The following SLC25A43 variants were observed in gnomAD, a reference collection of about 807,000 sequenced individuals.
SLC25A43 encodes the protein solute carrier family 25 member 43.
Under a neutral mutation model 22.8 loss-of-function variants are expected in SLC25A43, and 10 were observed. That is an observed-to-expected ratio of 0.44 (90% CI 0.27 to 0.74). The LOEUF (loss-of-function observed/expected upper bound fraction) is 0.74, where lower values mean the gene tolerates loss of function less well. Among genes scored for constraint, SLC25A43 ranks in the 30% least tolerant of loss-of-function variants. The pLI, the probability that SLC25A43 is intolerant of heterozygous loss-of-function variation, is 0.17. For missense variants in SLC25A43, 233 were observed against 279.1 expected, an observed-to-expected ratio of 0.83 and a Z score of 1.18; for synonymous variants, 106 against 121.6, an observed-to-expected ratio of 0.87 and a Z score of 0.84.
chrX:119,401,469 C>T (rs1307047454), intron 1 of SLC25A43, among the ~76,000 whole-genome samples: 2 of 110,617 alleles, frequency 1.8e-5, no homozygotes, highest in Non-Finnish European at 3.8e-5. Flanking sequence ...TTCTGATGAG[C>T]GATGAGGAGG....
At chrX:119,441,741 T>C (rs2052624528) in intron 3 of SLC25A43, among the ~76,000 whole-genome samples, 1 of 111,456 alleles carries the variant, frequency 9.0e-6, no homozygotes. Context: ...CTAAGTGTGA[T>C]GTAAAGTCAT....
intron 3 of SLC25A43, among the ~76,000 whole-genome samples, chrX:119,434,988 G>A (rs761637405): frequency 6.4e-5 from 7 of 109,695 alleles, no homozygotes; most frequent in South Asian, 4.0e-4. Context: ...ACAGGCATGC[G>A]CCACCACGCC....
chrX:119,406,829 T>A, intron 2 of SLC25A43, 128 bp downstream of exon 2: 2 of 779,915 alleles, frequency 2.6e-6, no homozygotes, highest in South Asian at 3.0e-5. Flanking sequence ...TCAACCTACA[T>A]AGAGGCAATT....
intron 2 of SLC25A43, among the ~76,000 whole-genome samples, chrX:119,407,597 A>C (rs2052309817): frequency 9.0e-6 from 1 of 111,028 alleles, no homozygotes; most frequent in African/African-American, 3.3e-5. Context: ...CATAGATAGA[A>C]AGCAGGAGAA....
At chrX:119,430,694 T>C (rs1161251923) in intron 3 of SLC25A43, among the ~76,000 whole-genome samples, 2 of 112,358 alleles carry the variant, frequency 1.8e-5, no homozygotes, top group African/African-American at 6.5e-5. Flanking sequence ...AATTGCAATC[T>C]CTAGGGGTGG....
intron 3 of SLC25A43, among the ~76,000 whole-genome samples, chrX:119,446,592 G>A (rs1943702710): frequency 1.8e-5 from 2 of 112,673 alleles, no homozygotes; most frequent in Admixed American, 9.4e-5. Flanking sequence ...GTCTTGTGAA[G>A]AGAGAAATGA....
intron 1 of SLC25A43, among the ~76,000 whole-genome samples, chrX:119,400,301 G>A (rs1248036798): frequency 9.0e-6 from 1 of 110,891 alleles, no homozygotes; most frequent in African/African-American, 3.3e-5. Flanking sequence ...CACCCCACTG[G>A]CCTCATTTAT....
chrX:119,451,511 G>A (rs775874335), intron 3 of SLC25A43, among the ~76,000 whole-genome samples: 2 of 111,816 alleles, frequency 1.8e-5, no homozygotes, highest in Non-Finnish European at 3.8e-5. Flanking sequence ...CTTCTGTCGT[G>A]AGAGTGAAGG....
intron 1 of SLC25A43, among the ~76,000 whole-genome samples, chrX:119,406,088 G>T (rs985388896): frequency 9.0e-6 from 1 of 110,960 alleles, no homozygotes; most frequent in Non-Finnish European, 1.9e-5. Flanking sequence ...AAGAAATTTT[G>T]TTCCTTTTTA....
intron 2 of SLC25A43, 45 bp from the exon 3 acceptor site, chrX:119,410,145 G>T: frequency 8.4e-7 from 1 of 1,187,924 alleles, no homozygotes; most frequent in Non-Finnish European, 1.1e-6. Flanking sequence ...TCAAGCCAGT[G>T]TTTTCCCAAG....
At chrX:119,435,171 C>T (rs1245135956) in intron 3 of SLC25A43, among the ~76,000 whole-genome samples, 1 of 110,515 alleles carries the variant, frequency 9.0e-6, no homozygotes, top group Non-Finnish European at 1.9e-5. Context: ...AGAAAAAAAT[C>T]GGTGGGCAGA....
At chrX:119,421,946 C>T (rs552712527) in intron 3 of SLC25A43, among the ~76,000 whole-genome samples, 1,415 of 111,718 alleles carry the variant, frequency 0.013, 11 homozygotes, top group Non-Finnish European at 0.021. Context: ...ACAAGAGTCT[C>T]GCTCTGTCAC....
In SLC25A43 at chrX:119,420,141, G is replaced by C. The variant is rs2052439574; in HGVS notation, c.690+9779G>C. 2.7e-5 allele frequency among the ~76,000 whole-genome samples: 3 copies of C among 111,513 alleles called. No individual in the cohort carries two copies. The Middle Eastern group carries it at 0.014, about 519-fold the overall frequency. The stretch of plus-strand genomic sequence containing the variant: ...AACTGAGGCACCGAAAGGTTTTGTA[G>C]CCTGCAAGTTCACCCATCCAGTAAT... On this transcript the variant is annotated intron_variant, in intron 3 of 4. Transcript: ENST00000217909.
chrX:119,421,140 A>G (rs939590215), intron 3 of SLC25A43, among the ~76,000 whole-genome samples: 11 of 98,804 alleles, frequency 1.1e-4, no homozygotes, highest in Non-Finnish European at 1.8e-4. Flanking sequence ...AAAAAAAAAA[A>G]GCCTTCAAAT....
intron 1 of SLC25A43, among the ~76,000 whole-genome samples, chrX:119,404,314 T>G (rs1439451308): frequency 8.9e-6 from 1 of 112,006 alleles, no homozygotes; most frequent in Non-Finnish European, 1.9e-5. Context: ...CCTCCAGAAC[T>G]TCTGACCAAC....
chrX:119,406,420 A>G (rs986906068), intron 1 of SLC25A43, 40 bp from the exon 2 acceptor site: 1 of 1,202,425 alleles, frequency 8.3e-7, no homozygotes, highest in Non-Finnish European at 1.1e-6. Flanking sequence ...AGCACAATCC[A>G]TAGTTGATTT....
chrX:119,399,458 G>T lies in SLC25A43; in HGVS notation c.55G>T (p.Ala19Ser), dbSNP rs1189361270. 2 of 1,049,980 alleles carry T rather than the reference G, an allele frequency of 1.9e-6. No individual in the cohort carries two copies. The highest frequency in any genetic ancestry group is 2.6e-5 in the South Asian group (1 of 39,057). The allele number at this position is 1,049,980 out of a possible 1,213,427, so 86.5% of individuals were successfully genotyped here. ...RLTGGQRLLC[A>S]GLAGTLSLSL... ...GACAGGCGGCCAAAGGCTGCTGTGCGCTGGGCTGGCGGGGACGCTCAGCCT... is the reference window on the plus strand; with the variant it reads ...GACAGGCGGCCAAAGGCTGCTGTGCTCTGGGCTGGCGGGGACGCTCAGCCT... Residue 19 changes from alanine (A) to serine (S), a missense_variant, in exon 1 of 5, where the codon GCT (alanine) becomes TCT (serine). Physicochemically the swap from Ala to Ser is moderately conservative, Grantham distance 99. Transcript: ENST00000217909.
intron 4 of SLC25A43, 87 bp downstream of exon 4, chrX:119,452,230 T>G: frequency 1.9e-6 from 2 of 1,070,518 alleles, no homozygotes; most frequent in Non-Finnish European, 2.5e-6. Context: ...TACTACAGTT[T>G]GCTTGGAAAA....
At chrX:119,420,376 T>C (rs934410525) in intron 3 of SLC25A43, among the ~76,000 whole-genome samples, 3 of 108,983 alleles carry the variant, frequency 2.8e-5, no homozygotes, top group Middle Eastern at 4.2e-3. Flanking sequence ...CAGCTCATTG[T>C]AGCCTCAACC....
Sources: allele counts gnomAD v4.1 joint callset (sites outside exome capture counted in the v4.1 genomes callset), GRCh38; gene constraint gnomAD v4.1.1; transcripts MANE v1.5; gene names NCBI Gene and HGNC (gene_info 2026-07-23, HGNC 2026-07-21).